Variants in TEK observed in about 807,000 individuals in gnomAD.
The protein encoded by TEK is TEK receptor tyrosine kinase, also known as angiopoietin-1 receptor.
Under a neutral mutation model 131.8 loss-of-function variants are expected in TEK, and 43 were observed. The observed-to-expected ratio is 0.33, with a 90% confidence interval of 0.26 to 0.42. The LOEUF (loss-of-function observed/expected upper bound fraction) is 0.42. TEK is among the 10% of genes least tolerant of loss of function. TEK has a pLI of 1.00. For missense variants in TEK, 1,162 were observed against 1,384.4 expected (o/e 0.84, Z 2.55); for synonymous variants, 580 against 491.6 (o/e 1.18, Z -2.38).
intron 9 of TEK, among the ~76,000 whole-genome samples, chr9:27,189,587 G>A (rs971212908): frequency 6.6e-6 from 1 of 152,134 alleles, no homozygotes; most frequent in African/African-American, 2.4e-5. Flanking sequence ...TCAAAGTAGA[G>A]AAACTTTCCT....
chr9:27,199,450 A>G (rs568961451), intron 12 of TEK, among the ~76,000 whole-genome samples: 2 of 152,162 alleles, frequency 1.3e-5, no homozygotes, highest in Non-Finnish European at 2.9e-5. Context: ...AGTGTGTACT[A>G]TGTTCAGGAG....
chr9:27,218,133 C>CGGGGG (rs1429206297), intron 19 of TEK, among the ~76,000 whole-genome samples: 5 of 143,922 alleles, frequency 3.5e-5, no homozygotes, highest in East Asian at 4.6e-4. Flanking sequence ...CAGACAGTGG[C>CGGGGG]GGGGGTCGTC....
chr9:27,116,963 A>G (rs1587473484), intron 1 of TEK, among the ~76,000 whole-genome samples: 2 of 148,102 alleles, frequency 1.4e-5, no homozygotes, highest in Admixed American at 6.9e-5. Flanking sequence ...CCAGGTTCAC[A>G]CCATTCTCCT....
At chr9:27,171,597 G>C (rs1307084568) in intron 4 of TEK, among the ~76,000 whole-genome samples, 2 of 152,158 alleles carry the variant, frequency 1.3e-5, no homozygotes, top group Non-Finnish European at 2.9e-5. Flanking sequence ...GTGTTTTATA[G>C]GCAGGACTAT....
At position 27,219,164 on chromosome 9, in the gene TEK, T is replaced by C. The variant is rs1273384920; in HGVS notation, c.3103+347T>C. Among the ~76,000 whole-genome samples the C allele has an allele frequency of 6.6e-5, 10 of 152,322 alleles. No homozygotes were observed. The South Asian group carries it at 1.5e-3, about 22-fold the overall frequency. On this transcript the variant is annotated intron_variant, in intron 20 of 22. Coordinates refer to ENST00000380036, the MANE Select transcript of TEK (RefSeq NM_000459.5). ...AATAGCATGTGAAAATATGTAATAA[T>C]TTCATGTATACCCTGATCCTAGTTT...
intron 1 of TEK, among the ~76,000 whole-genome samples, chr9:27,136,082 G>GTTT (rs1335849233): frequency 1.2e-4 from 12 of 99,246 alleles, no homozygotes; most frequent in Admixed American, 4.1e-4. Flanking sequence ...TCCCAGGGCA[G>GTTT]TTATTTTTTT....
chr9:27,224,873 A>G (rs1564112528), intron 21 of TEK, among the ~76,000 whole-genome samples: 3 of 152,208 alleles, frequency 2.0e-5, no homozygotes, highest in Admixed American at 1.3e-4. Context: ...GTCTCAGCCC[A>G]AAATCTCTTT....
In TEK at chr9:27,144,115, C is replaced by T. The variant is rs565836715; in HGVS notation, c.53-13716C>T. Among the ~76,000 whole-genome samples, 8 of 152,226 alleles carry T rather than the reference C, an allele frequency of 5.3e-5. No homozygotes were observed. The East Asian group carries it at 1.5e-3, about 29-fold the overall frequency. ...TGGCCAACATGGTGAAACCCTGTCTCTACTAAAAATACAAAAATTAGCTGG... is the reference window on the plus strand; with the variant it reads ...TGGCCAACATGGTGAAACCCTGTCTTTACTAAAAATACAAAAATTAGCTGG... On this transcript the variant is annotated intron_variant, in intron 1 of 22. Coordinates refer to ENST00000380036, the MANE Select transcript of TEK (RefSeq NM_000459.5).
At chr9:27,223,055 G>A (rs1293839495) in intron 21 of TEK, among the ~76,000 whole-genome samples, 1 of 152,102 alleles carries the variant, frequency 6.6e-6, no homozygotes, top group East Asian at 1.9e-4. Flanking sequence ...AGGGATCAAT[G>A]CACCAAGAAC....
chr9:27,223,531 G>A lies in TEK; in HGVS notation c.3200+3386G>A, dbSNP rs185266515. On this transcript the variant is annotated intron_variant, in intron 21 of 22. Coordinates refer to ENST00000380036, the MANE Select transcript of TEK (RefSeq NM_000459.5). ...CCTGAATGACTACTGGGTAAATAAC[G>A]AAATGAAGGCAGAAATAAAGATGTT... 9.8e-3 allele frequency among the ~76,000 whole-genome samples: 1,490 copies of A among 152,264 alleles called. 10 individuals are homozygous for A. The highest frequency in any genetic ancestry group is 0.013 in the Non-Finnish European group (864 of 68,034).
chr9:27,218,865 TGGAAGCCTCTAGCACTCCCTTGCTGCATA>T, intron 20 of TEK, 48 bp downstream of exon 20: 3 of 1,573,786 alleles, frequency 1.9e-6, no homozygotes, highest in Non-Finnish European at 2.6e-6. Context: ...GCAAAGTGAG[TGGAAGCCTCTAGCACTCCCTTGCTGCATA>T]ATTCCACAGG....
At chr9:27,208,087 G>T (rs193054136) in intron 15 of TEK, among the ~76,000 whole-genome samples, 169 of 152,154 alleles carry the variant, frequency 1.1e-3, no homozygotes, top group African/African-American at 3.8e-3. Flanking sequence ...GCTTAATAAG[G>T]CACCAGGGCA....
intron 6 of TEK, among the ~76,000 whole-genome samples, chr9:27,179,138 C>T (rs1236092379): frequency 1.3e-5 from 2 of 152,062 alleles, no homozygotes; most frequent in Admixed American, 6.5e-5. Flanking sequence ...TCATTTTTTT[C>T]CAACCTTTTT....
intron 12 of TEK, among the ~76,000 whole-genome samples, chr9:27,198,825 G>T (rs1825116379): frequency 6.6e-6 from 1 of 152,120 alleles, no homozygotes; most frequent in Non-Finnish European, 1.5e-5. Context: ...TTGAGACAAG[G>T]TCTTGCTCTG....
intron 2 of TEK, among the ~76,000 whole-genome samples, chr9:27,167,800 G>A (rs1423034663): frequency 6.6e-6 from 1 of 151,872 alleles, no homozygotes; most frequent in Non-Finnish European, 1.5e-5. Flanking sequence ...AGGACCAGGG[G>A]AAAAGCCATT....
intron 15 of TEK, among the ~76,000 whole-genome samples, chr9:27,208,005 T>C (rs938472899): frequency 3.3e-5 from 5 of 152,122 alleles, no homozygotes; most frequent in African/African-American, 1.2e-4. Flanking sequence ...TAGAATCTTA[T>C]GAAGGCAGTT....
chr9:27,207,011 A>T (rs575134927), intron 15 of TEK, among the ~76,000 whole-genome samples: 138 of 152,364 alleles, frequency 9.1e-4, no homozygotes, highest in Non-Finnish European at 1.6e-3. Context: ...GTCTTGATTC[A>T]TTGGGATGAG....
At chr9:27,203,607 A>T (rs1452181291) in intron 13 of TEK, among the ~76,000 whole-genome samples, 3 of 152,206 alleles carry the variant, frequency 2.0e-5, no homozygotes, top group Non-Finnish European at 4.4e-5. Flanking sequence ...GATTTGAGCT[A>T]GATAGAGATC....
chr9:27,188,026 A>G (rs1233325702), intron 9 of TEK, among the ~76,000 whole-genome samples: 1 of 152,148 alleles, frequency 6.6e-6, no homozygotes, highest in African/African-American at 2.4e-5. Flanking sequence ...ATGCAGAGGA[A>G]TGTTAAACAG....
Sources: gnomAD v4.1 joint callset for allele counts (sites outside exome capture counted in the v4.1 genomes callset) on GRCh38, gnomAD v4.1.1 for gene constraint, MANE v1.5 for transcripts, NCBI Gene and HGNC (gene_info 2026-07-23, HGNC 2026-07-21) for gene names.